The following MBNL2 variants were observed in gnomAD, a reference collection of about 807,000 sequenced individuals.
MBNL2 encodes the protein muscleblind-like protein 2.
MBNL2 carries 17 observed loss-of-function variants against 41.9 expected under a neutral mutation model. The ratio of observed to expected loss-of-function variants is 0.41; its 90% CI spans 0.28 to 0.61. The LOEUF is 0.61. Ranked by LOEUF, MBNL2 falls within the 20% of genes least tolerant of loss-of-function variation. The pLI, the probability that MBNL2 is intolerant of heterozygous loss-of-function variation, is 0.35. For missense variants in MBNL2, 336 were observed against 505.6 expected, an observed-to-expected ratio of 0.66 and a Z score of 3.22; for synonymous variants, 195 against 182.9, an observed-to-expected ratio of 1.07 and a Z score of -0.53.
chr13:97,293,718 A>G (rs1237808833), intron 2 of MBNL2, among the ~76,000 whole-genome samples: 1 of 151,976 alleles, frequency 6.6e-6, no homozygotes, highest in South Asian at 2.1e-4. Context: ...GTATTTCCTG[A>G]GTCTCGTACC....
At chr13:97,167,301 G>A in the MBNL2 span, among the ~76,000 whole-genome samples, 17 of 151,824 alleles carry the variant, frequency 1.1e-4, no homozygotes, top group East Asian at 3.1e-3. Context: ...TGTCAGAACT[G>A]TCTCTTGATT....
chr13:97,332,335 C>A (rs995358895), intron 2 of MBNL2, among the ~76,000 whole-genome samples: 4 of 152,204 alleles, frequency 2.6e-5, no homozygotes, highest in Non-Finnish European at 5.9e-5. Context: ...CCTCACATCA[C>A]AAATGATAGA....
chr13:97,390,390 A>G (rs1020276431), intron 8 of MBNL2, among the ~76,000 whole-genome samples: 7 of 152,268 alleles, frequency 4.6e-5, no homozygotes, highest in Non-Finnish European at 5.9e-5. Context: ...CAGAAGTATT[A>G]GCTGACTCTC....
the MBNL2 span, among the ~76,000 whole-genome samples, chr13:97,178,925 A>G: frequency 6.6e-6 from 1 of 152,186 alleles, no homozygotes; most frequent in Non-Finnish European, 1.5e-5. Flanking sequence ...AAGAAATACA[A>G]TGGTATATAT....
the MBNL2 span, among the ~76,000 whole-genome samples, chr13:97,177,590 C>A: frequency 6.6e-6 from 1 of 151,840 alleles, no homozygotes; most frequent in African/African-American, 2.4e-5. Flanking sequence ...GTCCAATGAT[C>A]CAGAATGAAG....
At chr13:97,351,990 C>G (rs977148411) in intron 5 of MBNL2, among the ~76,000 whole-genome samples, 5 of 150,014 alleles carry the variant, frequency 3.3e-5, no homozygotes, top group African/African-American at 1.2e-4. Flanking sequence ...TGCCACTGCA[C>G]TCTAGCCTGG....
At chr13:97,264,778 C>G (rs2049393920) in intron 1 of MBNL2, among the ~76,000 whole-genome samples, 1 of 152,160 alleles carries the variant, frequency 6.6e-6, no homozygotes, top group South Asian at 2.1e-4. Flanking sequence ...AGACAAAGGT[C>G]AGCTGAAAGT....
At chr13:97,339,559 CTAATTCTCCCAAGCTG>C (rs1434601417) in intron 3 of MBNL2, among the ~76,000 whole-genome samples, 1 of 152,156 alleles carries the variant, frequency 6.6e-6, no homozygotes, top group East Asian at 1.9e-4. Context: ...AACTGTAGGG[CTAATTCTCCCAAGCTG>C]TAGTTGGTGC....
chr13:97,146,368 A>C, the MBNL2 span, among the ~76,000 whole-genome samples: 12 of 152,102 alleles, frequency 7.9e-5, no homozygotes, highest in Non-Finnish European at 1.3e-4. Flanking sequence ...ACCCCACAAC[A>C]CTTCACTAAC....
chr13:97,235,783 G>T (rs757464855), intron 1 of MBNL2, among the ~76,000 whole-genome samples: 1 of 152,088 alleles, frequency 6.6e-6, no homozygotes, highest in Non-Finnish European at 1.5e-5. Context: ...AGGGGCATCG[G>T]CCTGGGAGTG....
At chr13:97,244,240 C>A (rs926780599) in intron 1 of MBNL2, among the ~76,000 whole-genome samples, 2 of 152,216 alleles carry the variant, frequency 1.3e-5, no homozygotes, top group African/African-American at 2.4e-5. Context: ...TTTTAAGAAA[C>A]CTGCTAGTGA....
intron 2 of MBNL2, among the ~76,000 whole-genome samples, chr13:97,322,395 T>C (rs2059577865): frequency 6.6e-6 from 1 of 152,220 alleles, no homozygotes; most frequent in Non-Finnish European, 1.5e-5. Flanking sequence ...CAATTTACGA[T>C]TTTTGACTTT....
At chr13:97,385,262 G>A (rs747371901) in intron 8 of MBNL2, among the ~76,000 whole-genome samples, 2 of 152,156 alleles carry the variant, frequency 1.3e-5, no homozygotes, top group Non-Finnish European at 2.9e-5. Context: ...TTTGGCTGTG[G>A]ACCCAGTTAG....
chr13:97,251,550 C>T (rs2046504174), intron 1 of MBNL2, among the ~76,000 whole-genome samples: 1 of 152,192 alleles, frequency 6.6e-6, no homozygotes, highest in Admixed American at 6.5e-5. Context: ...TATTAGTAAA[C>T]ACGCACTGAA....
intron 2 of MBNL2, among the ~76,000 whole-genome samples, chr13:97,308,774 G>C (rs902317815): frequency 6.6e-6 from 1 of 152,190 alleles, no homozygotes; most frequent in East Asian, 1.9e-4. Flanking sequence ...AGTTGAGAAA[G>C]AAAAGGCACT....
intron 2 of MBNL2, among the ~76,000 whole-genome samples, chr13:97,324,529 A>G (rs1489229547): frequency 6.6e-6 from 1 of 152,332 alleles, no homozygotes; most frequent in East Asian, 1.9e-4. Flanking sequence ...CTATGAAGTC[A>G]AACAGCCACT....
At chr13:97,381,589 A>T (rs1243479426) in intron 8 of MBNL2, among the ~76,000 whole-genome samples, 1 of 151,954 alleles carries the variant, frequency 6.6e-6, no homozygotes, top group East Asian at 1.9e-4. Context: ...AACCCATATC[A>T]TATATGAATG....
chr13:97,382,163 C>T (rs1466385324), intron 8 of MBNL2, among the ~76,000 whole-genome samples: 1 of 152,328 alleles, frequency 6.6e-6, no homozygotes, highest in African/African-American at 2.4e-5. Flanking sequence ...AGTACACATA[C>T]AGTCCCTAAT....
chr13:97,309,924 C>T (rs535850916), intron 2 of MBNL2, among the ~76,000 whole-genome samples: 80 of 152,200 alleles, frequency 5.3e-4, no homozygotes, highest in Non-Finnish European at 9.3e-4. Context: ...AAAATAAGAT[C>T]GAGAATAGCA....
Sources: allele counts gnomAD v4.1 joint callset (sites outside exome capture counted in the v4.1 genomes callset), GRCh38; gene constraint gnomAD v4.1.1; transcripts MANE v1.5; gene names NCBI Gene and HGNC (gene_info 2026-07-23, HGNC 2026-07-21).